Variants in PHACTR4 observed in about 807,000 individuals in gnomAD.
PHACTR4 encodes protein phosphatase 1, regulatory subunit 124.
Under a neutral mutation model 72.7 loss-of-function variants are expected in PHACTR4, and 51 were observed. That is an observed-to-expected ratio of 0.70 (90% CI 0.56 to 0.89). The LOEUF (loss-of-function observed/expected upper bound fraction) is 0.89, where lower values mean the gene tolerates loss of function less well. Ranked by LOEUF, PHACTR4 falls within the 40% of genes least tolerant of loss-of-function variation. The pLI is 0.00. For missense variants in PHACTR4, 731 were observed against 861.8 expected, an observed-to-expected ratio of 0.85 and a Z score of 1.90; for synonymous variants, 255 against 302.5, an observed-to-expected ratio of 0.84 and a Z score of 1.63.
At chr1:28,460,368 TTTTC>T (rs1294509975) in intron 4 of PHACTR4, 76 bp downstream of exon 4, 5 of 1,084,356 alleles carry the variant, frequency 4.6e-6, no homozygotes, top group South Asian at 3.1e-5. Context: ...GATATTTGAA[TTTTC>T]TTTCTTTCTT....
intron 6 of PHACTR4, among the ~76,000 whole-genome samples, chr1:28,467,683 A>T (rs1046784253): frequency 1.3e-5 from 2 of 152,198 alleles, no homozygotes; most frequent in African/African-American, 2.4e-5. Context: ...TGCAGAAGCT[A>T]TTACTTAAAT....
intron 1 of PHACTR4, among the ~76,000 whole-genome samples, chr1:28,378,931 ATTTATT>A (rs1049420178): frequency 2.6e-5 from 4 of 151,996 alleles, no homozygotes; most frequent in African/African-American, 9.7e-5. Flanking sequence ...ATCTAGGTTT[ATTTATT>A]TTTATTTTTA....
chr1:28,405,473 C>G (rs943326873), intron 1 of PHACTR4, among the ~76,000 whole-genome samples: 1 of 151,724 alleles, frequency 6.6e-6, no homozygotes, highest in Non-Finnish European at 1.5e-5. Context: ...ACTACAGGTA[C>G]AGGCCACCAT....
At chr1:28,458,234 C>G (rs934435927) in intron 2 of PHACTR4, among the ~76,000 whole-genome samples, 4 of 151,798 alleles carry the variant, frequency 2.6e-5, no homozygotes, top group Admixed American at 6.6e-5. Context: ...ATTGACCTCC[C>G]AGGCTCAAGC....
chr1:28,397,695 T>A (rs932656561), intron 1 of PHACTR4, among the ~76,000 whole-genome samples: 1 of 147,694 alleles, frequency 6.8e-6, no homozygotes, highest in Admixed American at 6.8e-5. Flanking sequence ...GAGAAAAAAA[T>A]AATTTTTGCT....
intron 2 of PHACTR4, among the ~76,000 whole-genome samples, chr1:28,436,441 C>G (rs1656640358): frequency 1.3e-5 from 2 of 151,996 alleles, no homozygotes; most frequent in Admixed American, 6.6e-5. Context: ...GGCTTTGGTA[C>G]TTACTAGCTT....
intron 13 of PHACTR4, 24 bp downstream of exon 13, chr1:28,493,115 T>C (rs1661138585): frequency 1.3e-6 from 2 of 1,593,132 alleles, no homozygotes; most frequent in African/African-American, 2.7e-5. Flanking sequence ...GACCCAATCA[T>C]ATATGTGCTA....
intron 2 of PHACTR4, among the ~76,000 whole-genome samples, 173 bp downstream of exon 2, chr1:28,407,636 G>A (rs1470546527): frequency 6.6e-6 from 1 of 151,990 alleles, no homozygotes; most frequent in Admixed American, 6.6e-5. Flanking sequence ...TAATGATAGA[G>A]TGCCAATTAC....
chr1:28,376,609 G>A lies in PHACTR4; in HGVS notation c.-39+6784G>A, dbSNP rs564141068. 5.9e-5 allele frequency among the ~76,000 whole-genome samples: 9 copies of A among 151,688 alleles called. No individual in the cohort carries two copies. In the South Asian group the frequency reaches 6.2e-4, roughly 10 times the overall value. ...CTCCCAAAGTGCTGGGATTACAGGC[G>A]TGAGCCACTGCGCTGGGCCTATGTA... On this transcript the variant is annotated intron_variant, in intron 1 of 13. Transcript: ENST00000373839.
At chr1:28,428,551 A>G (rs1037678708) in intron 2 of PHACTR4, among the ~76,000 whole-genome samples, 3 of 152,230 alleles carry the variant, frequency 2.0e-5, no homozygotes, top group Admixed American at 2.0e-4. Context: ...TCCTGCTGGC[A>G]TAATTTCAGT....
At chr1:28,481,827 T>C (rs973392739) in intron 9 of PHACTR4, among the ~76,000 whole-genome samples, 1 of 150,892 alleles carries the variant, frequency 6.6e-6, no homozygotes, top group African/African-American at 2.4e-5. Context: ...CAAAAAAATA[T>C]ATATTGGACA....
At chr1:28,478,238 T>C (rs1010535255) in intron 8 of PHACTR4, among the ~76,000 whole-genome samples, 2 of 152,226 alleles carry the variant, frequency 1.3e-5, no homozygotes, top group African/African-American at 4.8e-5. Flanking sequence ...ATTTCTTTCT[T>C]TTTCATGGCA....
rs1031560291 is a variant in PHACTR4 at position 28,457,330 on chromosome 1, C to T, written c.17-1755C>T. On this transcript the variant is annotated intron_variant, in intron 2 of 13. Transcript: ENST00000373839. Reference sequence around the variant, plus strand: ...GAGAGAGAGGCCAGGTGTGGTGGTACACACCTTTAATCCCAGTGCTTTTGG... The same window carrying T: ...GAGAGAGAGGCCAGGTGTGGTGGTATACACCTTTAATCCCAGTGCTTTTGG... 6.7e-6 allele frequency: 3 copies of T among 449,670 alleles called. No individual in the cohort carries two copies. The East Asian group carries it at 2.1e-4, about 32-fold the overall frequency. 27.9% of individuals were successfully genotyped at this position (449,670 alleles called of 1,614,324 possible). A position where few individuals can be genotyped will look rare whatever the true frequency, so the allele number is the denominator to read the frequency against.
intron 1 of PHACTR4, among the ~76,000 whole-genome samples, chr1:28,404,623 G>A (rs745506230): frequency 3.3e-5 from 5 of 152,124 alleles, no homozygotes; most frequent in Non-Finnish European, 5.9e-5. Flanking sequence ...ATACCTAGGA[G>A]TGGGTCATAT....
rs1385158913 is a variant in PHACTR4, at chr1:28,399,410, G to A, written c.-38-8000G>A. ...TATGTCTCTACTGTTAAGTGATATG[G>A]CATGATTTATTTCTTTTACCACTTT... On this transcript the variant is annotated intron_variant, in intron 1 of 13. Transcript: ENST00000373839. 3.9e-5 allele frequency among the ~76,000 whole-genome samples: 6 copies of A among 152,098 alleles called. No individual in the cohort carries two copies. In the East Asian group the frequency reaches 9.6e-4, roughly 24 times the overall value.
At chr1:28,461,569 G>A (rs1658811023) in intron 4 of PHACTR4, among the ~76,000 whole-genome samples, 1 of 152,214 alleles carries the variant, frequency 6.6e-6, no homozygotes, top group African/African-American at 2.4e-5. Context: ...TAAATTGTAT[G>A]TATTGAAGAT....
At chr1:28,418,597 TTTC>T (rs1169398774) in intron 2 of PHACTR4, among the ~76,000 whole-genome samples, 2 of 152,218 alleles carry the variant, frequency 1.3e-5, no homozygotes, top group African/African-American at 4.8e-5. Context: ...ATCATTATTT[TTTC>T]TTATTACAAA....
At chr1:28,408,685 A>AT (rs936431884) in intron 2 of PHACTR4, among the ~76,000 whole-genome samples, 9 of 148,898 alleles carry the variant, frequency 6.0e-5, no homozygotes, top group East Asian at 2.0e-4. Flanking sequence ...TTTTTAATTT[A>AT]TTTTTTTTGA....
At chr1:28,454,841 A>G (rs982880676) in intron 2 of PHACTR4, among the ~76,000 whole-genome samples, 36 of 152,170 alleles carry the variant, frequency 2.4e-4, no homozygotes, top group African/African-American at 8.4e-4. Flanking sequence ...AGCATTAAAT[A>G]TAAATGGCCT....
Sources: gnomAD v4.1 joint callset for allele counts (sites outside exome capture counted in the v4.1 genomes callset) on GRCh38, gnomAD v4.1.1 for gene constraint, MANE v1.5 for transcripts, NCBI Gene and HGNC (gene_info 2026-07-23, HGNC 2026-07-21) for gene names.